The following CHRM3 variants were observed in gnomAD, a reference collection of about 807,000 sequenced individuals.
CHRM3 encodes muscarinic acetylcholine receptor M3.
In CHRM3, 11 loss-of-function variants were observed where a neutral mutation model predicts 41.8. The ratio of observed to expected loss-of-function variants is 0.26; its 90% confidence interval spans 0.17 to 0.44. The LOEUF (loss-of-function observed/expected upper bound fraction) is 0.44. Among genes scored for constraint, CHRM3 ranks in the 20% least tolerant of loss-of-function variants. CHRM3 has a pLI of 1.00. For missense variants in CHRM3, 571 were observed against 745.4 expected (o/e 0.77, Z 2.72); for synonymous variants, 297 against 301.4 (o/e 0.99, Z 0.15).
chr1:239,616,549 G>T (rs1360241585), intron 3 of CHRM3, among the ~76,000 whole-genome samples: 2 of 152,056 alleles, frequency 1.3e-5, no homozygotes, highest in Non-Finnish European at 2.9e-5. Flanking sequence ...CAGGACATTT[G>T]ATCATTTTCT....
chr1:239,549,319 A>T (rs1212029838), intron 3 of CHRM3, among the ~76,000 whole-genome samples: 1 of 151,736 alleles, frequency 6.6e-6, no homozygotes, highest in East Asian at 1.9e-4. Flanking sequence ...TATATTTGTG[A>T]TGTTTACCTT....
chr1:239,746,627 C>T (rs1050921202), intron 5 of CHRM3, among the ~76,000 whole-genome samples: 28 of 152,084 alleles, frequency 1.8e-4, no homozygotes, highest in African/African-American at 6.3e-4. Context: ...CTGTCTCATC[C>T]CTGGTCAGGA....
At chr1:239,646,269 A>C (rs1246791112) in intron 4 of CHRM3, among the ~76,000 whole-genome samples, 1 of 152,350 alleles carries the variant, frequency 6.6e-6, no homozygotes, top group South Asian at 2.1e-4. Context: ...CAGACCATTT[A>C]GCTGATCTGT....
chr1:239,542,462 T>C (rs1658874077), intron 2 of CHRM3, among the ~76,000 whole-genome samples: 1 of 152,144 alleles, frequency 6.6e-6, no homozygotes. Context: ...TGGAGATTAG[T>C]ATTAGAAGAG....
At chr1:239,779,539 G>A (rs184873715) in intron 5 of CHRM3, among the ~76,000 whole-genome samples, 4 of 152,326 alleles carry the variant, frequency 2.6e-5, no homozygotes, top group Admixed American at 2.0e-4. Context: ...TTTGAGACCA[G>A]CCTGGCCAGC....
At chr1:239,663,163 C>CCCACTCTGCTGCCTGCTGCTCT (rs1354799833) in intron 4 of CHRM3, among the ~76,000 whole-genome samples, 1 of 151,996 alleles carries the variant, frequency 6.6e-6, no homozygotes, top group Non-Finnish European at 1.5e-5. Context: ...CTCTGTTCTG[C>CCCACTCTGCTGCCTGCTGCTCT]CCACTCTGCT....
chr1:239,471,418 G>A (rs769779187), intron 1 of CHRM3, among the ~76,000 whole-genome samples: 2 of 152,096 alleles, frequency 1.3e-5, no homozygotes, highest in African/African-American at 4.8e-5. Context: ...CCTGAGAAAC[G>A]CTGACTCCCC....
At chr1:239,771,439 G>A (rs979332658) in intron 5 of CHRM3, among the ~76,000 whole-genome samples, 1 of 152,136 alleles carries the variant, frequency 6.6e-6, no homozygotes, top group Non-Finnish European at 1.5e-5. Flanking sequence ...ATGGAAATCT[G>A]TTCATACAGC....
At chr1:239,631,949 T>A (rs750067552) in intron 3 of CHRM3, among the ~76,000 whole-genome samples, 24 of 152,194 alleles carry the variant, frequency 1.6e-4, no homozygotes, top group Non-Finnish European at 2.1e-4. Flanking sequence ...AACTGGAGCT[T>A]AGGCAGGCAG....
rs150970987 is a variant in CHRM3 at position 239,485,910 on chromosome 1, G to C, written c.-520-6799G>C. Reference sequence around the variant, plus strand: ...CAAATTCTTTAGTATTGGTAGGTACGGTCTGTATTGTTTCTTTATAATTGT... The same window carrying C: ...CAAATTCTTTAGTATTGGTAGGTACCGTCTGTATTGTTTCTTTATAATTGT... On this transcript the variant is annotated intron_variant, in intron 1 of 6. Coordinates refer to ENST00000676153, the MANE Select transcript of CHRM3 (RefSeq NM_001375978.1). 6.6e-3 allele frequency among the ~76,000 whole-genome samples: 1,011 copies of C among 152,236 alleles called. 15 individuals are homozygous for C. The highest frequency in any genetic ancestry group is 0.023 in the African/African-American group (939 of 41,530).
At chr1:239,400,376 G>A (rs1312800491) in intron 1 of CHRM3, among the ~76,000 whole-genome samples, 2 of 152,102 alleles carry the variant, frequency 1.3e-5, no homozygotes, top group African/African-American at 4.8e-5. Context: ...TGGATAGTTT[G>A]CAAATATTTT....
At chr1:239,735,889 G>A (rs1459401199) in intron 5 of CHRM3, among the ~76,000 whole-genome samples, 1 of 152,076 alleles carries the variant, frequency 6.6e-6, no homozygotes, top group Non-Finnish European at 1.5e-5. Flanking sequence ...GGGGATACGT[G>A]GATGTGCCAT....
At chr1:239,470,636 T>C (rs542758200) in intron 1 of CHRM3, among the ~76,000 whole-genome samples, 36 of 152,306 alleles carry the variant, frequency 2.4e-4, no homozygotes, top group African/African-American at 8.4e-4. Flanking sequence ...GACTGTTCCA[T>C]AGTATGATTT....
intron 5 of CHRM3, among the ~76,000 whole-genome samples, chr1:239,679,056 G>A (rs898833203): frequency 6.6e-6 from 1 of 151,288 alleles, no homozygotes; most frequent in East Asian, 1.9e-4. Flanking sequence ...TAGATAGATA[G>A]ATATAGACAT....
Position 239,542,949 on chromosome 1 carries a change from G to A in CHRM3, c.-421-2692G>A, listed in dbSNP as rs1045462569. Among the ~76,000 whole-genome samples, 7 of 152,080 alleles carry A rather than the reference G, an allele frequency of 4.6e-5. No individual in the cohort carries two copies. The South Asian group carries it at 6.2e-4, about 14-fold the overall frequency. ...TCTCTATAACCTTCATGCTTTCTTC[G>A]TTTTACATTTTTACCATTTATGCAT... On this transcript the variant is annotated intron_variant, in intron 2 of 6. Transcript: ENST00000676153.
intron 5 of CHRM3, among the ~76,000 whole-genome samples, chr1:239,710,507 T>C (rs1439303722): frequency 6.6e-6 from 1 of 152,116 alleles, no homozygotes; most frequent in Non-Finnish European, 1.5e-5. Context: ...AGATATGCTA[T>C]GGGTTTGGGT....
intron 5 of CHRM3, among the ~76,000 whole-genome samples, chr1:239,823,590 C>G (rs1672221050): frequency 1.3e-5 from 2 of 152,068 alleles, no homozygotes; most frequent in Admixed American, 1.3e-4. Flanking sequence ...ACTGTCGACT[C>G]TCTAAAATAT....
At chr1:239,817,117 C>T (rs530935523) in intron 5 of CHRM3, among the ~76,000 whole-genome samples, 1 of 152,146 alleles carries the variant, frequency 6.6e-6, no homozygotes, top group Non-Finnish European at 1.5e-5. Context: ...TATATGGACA[C>T]AGACAGTGCC....
At chr1:239,864,376 A>G (rs1675901237) in intron 6 of CHRM3, among the ~76,000 whole-genome samples, 1 of 152,092 alleles carries the variant, frequency 6.6e-6, no homozygotes, top group African/African-American at 2.4e-5. Flanking sequence ...GCGTGGTGGC[A>G]CACGCCTGTA....
Sources: allele counts gnomAD v4.1 joint callset (sites outside exome capture counted in the v4.1 genomes callset), GRCh38; gene constraint gnomAD v4.1.1; transcripts MANE v1.5; gene names NCBI Gene and HGNC (gene_info 2026-07-23, HGNC 2026-07-21).